The following CCDC30 variants were observed in gnomAD, a reference collection of about 807,000 sequenced individuals.
CCDC30 encodes the protein coiled-coil domain containing 30, also known as coiled-coil domain-containing protein 30.
A neutral mutation model predicts 100.2 loss-of-function variants in CCDC30; 70 were observed. That is an observed-to-expected ratio of 0.70 (90% CI 0.58 to 0.85). The LOEUF is 0.85. Among genes scored for constraint, CCDC30 ranks in the 40% least tolerant of loss-of-function variants. The pLI, the probability that CCDC30 is intolerant of heterozygous loss-of-function variation, is 0.00. For missense variants in CCDC30, 652 were observed against 771.2 expected, an observed-to-expected ratio of 0.85 and a Z score of 1.83; for synonymous variants, 233 against 269.5, an observed-to-expected ratio of 0.86 and a Z score of 1.33.
chr1:42,469,455 G>A (rs909431899), intron 1 of CCDC30, among the ~76,000 whole-genome samples: 4 of 152,172 alleles, frequency 2.6e-5, no homozygotes, highest in African/African-American at 9.7e-5. Flanking sequence ...ATAGGAGTGT[G>A]GGAGACAAAT....
chr1:42,598,898 A>G (rs112928338), intron 10 of CCDC30, among the ~76,000 whole-genome samples: 3,600 of 152,228 alleles, frequency 0.024, 148 homozygotes, highest in African/African-American at 0.078. Context: ...CTGTCTCAAC[A>G]ACAACAACAA....
At chr1:42,640,821 C>A (rs533540069) in intron 12 of CCDC30, among the ~76,000 whole-genome samples, 6 of 151,650 alleles carry the variant, frequency 4.0e-5, no homozygotes, top group South Asian at 4.2e-4. Flanking sequence ...TTGAACCCAG[C>A]GGGCAGAGGT....
intron 11 of CCDC30, among the ~76,000 whole-genome samples, chr1:42,626,104 A>C (rs923782798): frequency 6.6e-6 from 1 of 152,100 alleles, no homozygotes; most frequent in Admixed American, 6.5e-5. Context: ...ATTATTATAT[A>C]ATGACCTTTT....
At chr1:42,589,506 T>G (rs1432098692) in intron 10 of CCDC30, 23 bp downstream of exon 14, 1 of 1,593,058 alleles carries the variant, frequency 6.3e-7, no homozygotes, top group African/African-American at 1.3e-5. Flanking sequence ...ATAGACATGC[T>G]TCTCAGTTTT....
intron 11 of CCDC30, among the ~76,000 whole-genome samples, chr1:42,615,710 C>A (rs1030592003): frequency 6.6e-6 from 1 of 152,146 alleles, no homozygotes; most frequent in Non-Finnish European, 1.5e-5. Flanking sequence ...CTTTTAGCAA[C>A]AAGGAAGTGG....
At chr1:42,606,137 C>T (rs981741347) in intron 10 of CCDC30, among the ~76,000 whole-genome samples, 11 of 152,172 alleles carry the variant, frequency 7.2e-5, no homozygotes, top group Non-Finnish European at 1.0e-4. Flanking sequence ...ACAGACCATA[C>T]ATAGCGTCAT....
At chr1:42,541,230 G>A (rs1473193662) in intron 6 of CCDC30, among the ~76,000 whole-genome samples, 1 of 152,092 alleles carries the variant, frequency 6.6e-6, no homozygotes, top group Non-Finnish European at 1.5e-5. Context: ...ATCTTCACAT[G>A]GCCAACAGCA....
chr1:42,603,372 C>A (rs150277018), intron 10 of CCDC30, among the ~76,000 whole-genome samples: 24 of 152,254 alleles, frequency 1.6e-4, no homozygotes, highest in Non-Finnish European at 2.1e-4. Context: ...AAAGGCTATA[C>A]CTCTTAATAT....
intron 6 of CCDC30, among the ~76,000 whole-genome samples, chr1:42,565,117 T>C (rs574362867): frequency 1.3e-5 from 2 of 152,304 alleles, no homozygotes; most frequent in Admixed American, 6.5e-5. Context: ...TTGACACTTA[T>C]GGAAAATGTT....
chr1:42,479,770 G>T lies in CCDC30; in HGVS notation c.-91-691G>T, dbSNP rs537249307. Among the ~76,000 whole-genome samples the T allele has an allele frequency of 7.2e-5, 11 of 152,204 alleles. No individual in the cohort carries two copies. In the East Asian group the frequency reaches 1.9e-3, roughly 27 times the overall value. ...GCTATGCTATGCAGGGCCACAAGGG[G>T]TTACTCTCAAGAATAGAATGAACTC... On this transcript the variant is annotated intron_variant, in intron 1 of 16. Coordinates refer to ENST00000668663, the Ensembl canonical transcript of CCDC30.
At chr1:42,459,765 A>G, upstream of CCDC30, 3 of 1,614,216 alleles carry the variant, frequency 1.9e-6, no homozygotes, top group Non-Finnish European at 2.5e-6. Context: ...GGTGGCTAAT[A>G]TCCTTGAGTC....
chr1:42,563,687 A>G (rs923562343), intron 6 of CCDC30, among the ~76,000 whole-genome samples: 17 of 151,988 alleles, frequency 1.1e-4, no homozygotes, highest in African/African-American at 4.1e-4. Context: ...GACCAGCCTG[A>G]CCAACATGGT....
At chr1:42,592,593 G>A (rs1302360606) in intron 10 of CCDC30, 1 of 152,150 alleles carries the variant, frequency 6.6e-6, no homozygotes, top group Non-Finnish European at 1.5e-5. Context: ...TACACCTGTA[G>A]TCTCAGCTAT....
At chr1:42,480,115 C>T (rs1643934674) in intron 1 of CCDC30, among the ~76,000 whole-genome samples, 1 of 152,080 alleles carries the variant, frequency 6.6e-6, no homozygotes, top group South Asian at 2.1e-4. Context: ...ATTTATCTCA[C>T]ACCATATATA....
intron 6 of CCDC30, among the ~76,000 whole-genome samples, chr1:42,505,486 T>G (rs780676843): frequency 2.0e-5 from 3 of 152,214 alleles, no homozygotes; most frequent in Non-Finnish European, 4.4e-5. Flanking sequence ...AGCATAATTT[T>G]TTTCTCTCTA....
chr1:42,535,158 C>T (rs747672617), intron 6 of CCDC30, among the ~76,000 whole-genome samples: 1 of 152,082 alleles, frequency 6.6e-6, no homozygotes, highest in African/African-American at 2.4e-5. Context: ...CAGGAGTACT[C>T]AATCAGTAAG....
At chr1:42,523,674 T>G (rs1644682041) in intron 6 of CCDC30, among the ~76,000 whole-genome samples, 1 of 152,198 alleles carries the variant, frequency 6.6e-6, no homozygotes, top group African/African-American at 2.4e-5. Context: ...CTTCAAATAA[T>G]CTCTCTGCCC....
At chr1:42,639,364 T>G (rs1434339778) in intron 12 of CCDC30, among the ~76,000 whole-genome samples, 1 of 152,060 alleles carries the variant, frequency 6.6e-6, no homozygotes, top group East Asian at 1.9e-4. Context: ...GAGAAAGGCA[T>G]GCAACACAAT....
At chr1:42,612,758 G>A (rs753451720) in intron 11 of CCDC30, among the ~76,000 whole-genome samples, 10 of 152,126 alleles carry the variant, frequency 6.6e-5, no homozygotes, top group Admixed American at 2.0e-4. Flanking sequence ...TCCCTCTGTC[G>A]TATGCTTGAC....
Sources: allele counts gnomAD v4.1 joint callset (sites outside exome capture counted in the v4.1 genomes callset), GRCh38; gene constraint gnomAD v4.1.1; transcripts MANE v1.5; gene names NCBI Gene and HGNC (gene_info 2026-07-23, HGNC 2026-07-21).